Variants in RBFOX3 observed in about 807,000 individuals in gnomAD.
RBFOX3 encodes RNA binding protein fox-1 homolog 3.
Under a neutral mutation model 48.7 loss-of-function variants are expected in RBFOX3, and 17 were observed. The ratio of observed to expected loss-of-function variants is 0.35; its 90% CI spans 0.24 to 0.52. The LOEUF (loss-of-function observed/expected upper bound fraction) is 0.52. RBFOX3 is among the 20% of genes least tolerant of loss of function. The pLI is 0.94. For synonymous variants in RBFOX3, 212 were observed against 209.5 expected, an observed-to-expected ratio of 1.01 and a Z score of -0.10; for missense variants, 382 against 497.5, an observed-to-expected ratio of 0.77 and a Z score of 2.21.
In RBFOX3 at chr17:79,212,218, C is replaced by G. The variant is rs1178720418; in HGVS notation, c.-34+23548G>C. 1.3e-5 allele frequency among the ~76,000 whole-genome samples: 2 copies of G among 152,200 alleles called. No individual in the cohort carries two copies. Among genetic ancestry groups the G allele is most frequent in the Non-Finnish European group, 2.9e-5 (2 of 68,024 alleles). ...TCTTCTCCAGGAAAACCTTCAAACT[C>G]TAGACACCCTTGGCCACCCGCTGCC... On this transcript the variant is annotated intron_variant, in intron 4 of 14. Coordinates refer to ENST00000693108, the MANE Select transcript of RBFOX3 (RefSeq NM_001350451.2). This position sits in a 1 kb window ranked among gnomAD's most constrained non-coding sequence, Gnocchi z 4.7.
chr17:79,148,048 C>T lies in RBFOX3; in HGVS notation c.-33-32300G>A, dbSNP rs191924576. On this transcript the variant is annotated intron_variant, in intron 4 of 14. Coordinates refer to ENST00000693108, the MANE Select transcript of RBFOX3 (RefSeq NM_001350451.2). ...GAGGGCGGATGTACAGGGCCAGGCTCTGGCCTGTGACCAAGATTTCCTCAC... is the reference window on the plus strand; with the variant it reads ...GAGGGCGGATGTACAGGGCCAGGCTTTGGCCTGTGACCAAGATTTCCTCAC... Among the ~76,000 whole-genome samples the T allele has an allele frequency of 2.8e-4, 43 of 152,374 alleles. No individual in the cohort carries two copies. The East Asian group carries it at 6.9e-3, about 25-fold the overall frequency.
intron 12 of RBFOX3, 33 bp downstream of exon 12, chr17:79,096,620 T>TCCCCC (rs1568117490): frequency 8.1e-5 from 122 of 1,502,174 alleles, no homozygotes; most frequent in South Asian, 7.1e-4. Context: ...GAACGCCTGA[T>TCCCCC]CCCACCCTCC....
intron 2 of RBFOX3, among the ~76,000 whole-genome samples, chr17:79,394,950 T>C (rs766189395): frequency 9.2e-5 from 14 of 152,100 alleles, no homozygotes; most frequent in Non-Finnish European, 1.8e-4. Context: ...CGGCAAGACG[T>C]CAGGAGGTGC....
intron 1 of RBFOX3, among the ~76,000 whole-genome samples, chr17:79,530,747 T>C (rs2087617359): frequency 6.6e-6 from 1 of 152,078 alleles, no homozygotes; most frequent in Non-Finnish European, 1.5e-5. Flanking sequence ...ATCACCACAG[T>C]GTGATGTTCT....
chr17:79,380,137 A>C (rs2059715320), intron 2 of RBFOX3, among the ~76,000 whole-genome samples: 1 of 146,874 alleles, frequency 6.8e-6, no homozygotes, highest in Non-Finnish European at 1.5e-5. Context: ...AACCCTCAGC[A>C]TCTCTAACCC....
At chr17:79,294,157 T>G (rs1600470645) in intron 3 of RBFOX3, among the ~76,000 whole-genome samples, 1 of 152,286 alleles carries the variant, frequency 6.6e-6, no homozygotes. Context: ...TCTATTCCTC[T>G]CCAACAAGCC....
At chr17:79,458,981 G>A (rs547195029) in intron 2 of RBFOX3, among the ~76,000 whole-genome samples, 7 of 152,300 alleles carry the variant, frequency 4.6e-5, no homozygotes, top group East Asian at 1.9e-4. Flanking sequence ...AATGTGAAGC[G>A]CGGCCGTGGG....
chr17:79,267,393 C>CTT (rs71161656), intron 3 of RBFOX3, among the ~76,000 whole-genome samples: 2 of 149,274 alleles, frequency 1.3e-5, no homozygotes, highest in Non-Finnish European at 3.0e-5. Context: ...CACTCTCTCT[C>CTT]TTTTTTTTTT....
At chr17:79,541,458 T>C (rs782035923) in intron 1 of RBFOX3, among the ~76,000 whole-genome samples, 11 of 152,310 alleles carry the variant, frequency 7.2e-5, no homozygotes, top group Middle Eastern at 3.4e-3. Flanking sequence ...ATACTTGGTG[T>C]ACAAAGTACT....
rs529129530 is a variant in RBFOX3 at position 79,166,628 on chromosome 17, T to C, written c.-33-50880A>G. Among the ~76,000 whole-genome samples, 33 of 150,292 alleles carry C rather than the reference T, an allele frequency of 2.2e-4. 1 individual carries two copies. In the South Asian group the frequency reaches 7.0e-3, roughly 32 times the overall value. On this transcript the variant is annotated intron_variant, in intron 4 of 14. Coordinates refer to ENST00000693108, the MANE Select transcript of RBFOX3 (RefSeq NM_001350451.2). ...AGGAGGAGCCCAGCCCCTATGAACATGCACAGGTCGGAATGTAGGCCCTTG... is the reference window on the plus strand; with the variant it reads ...AGGAGGAGCCCAGCCCCTATGAACACGCACAGGTCGGAATGTAGGCCCTTG...
chr17:79,492,115 C>T (rs1392739315), intron 1 of RBFOX3, among the ~76,000 whole-genome samples: 1 of 152,172 alleles, frequency 6.6e-6, no homozygotes, highest in Non-Finnish European at 1.5e-5. Flanking sequence ...TATGATGTTT[C>T]AAGGCCGATG....
At chr17:79,200,622 A>G (rs1316882980) in intron 4 of RBFOX3, among the ~76,000 whole-genome samples, 1 of 152,166 alleles carries the variant, frequency 6.6e-6, no homozygotes, top group African/African-American at 2.4e-5. Flanking sequence ...GGGTTGGGAC[A>G]TGAGGTGTCT....
intron 2 of RBFOX3, among the ~76,000 whole-genome samples, chr17:79,463,698 T>A (rs797029942): frequency 8.9e-6 from 1 of 111,750 alleles, no homozygotes; most frequent in African/African-American, 4.0e-5. Flanking sequence ...GCCACTGCCA[T>A]CACCACTGCC....
intron 1 of RBFOX3, among the ~76,000 whole-genome samples, chr17:79,533,046 C>A (rs1409192530): frequency 1.3e-5 from 2 of 152,254 alleles, no homozygotes; most frequent in Admixed American, 6.5e-5. Context: ...AAGTGCCAGG[C>A]AAGGTCTTGA....
intron 2 of RBFOX3, among the ~76,000 whole-genome samples, chr17:79,459,935 G>A (rs1555747714): frequency 1.3e-5 from 2 of 152,170 alleles, no homozygotes; most frequent in Non-Finnish European, 2.9e-5. Flanking sequence ...TAAACTCAAT[G>A]GTAGGTCCAA....
the RBFOX3 span, among the ~76,000 whole-genome samples, chr17:79,635,951 C>CA: frequency 1.3e-5 from 2 of 152,154 alleles, no homozygotes; most frequent in Non-Finnish European, 2.9e-5. Flanking sequence ...CCATTTGATA[C>CA]ATGGTAGGTA....
At chr17:79,409,058 C>G (rs184475664) in intron 2 of RBFOX3, among the ~76,000 whole-genome samples, 1 of 152,332 alleles carries the variant, frequency 6.6e-6, no homozygotes, top group African/African-American at 2.4e-5. Flanking sequence ...TATGGATTTA[C>G]CTACCCTGGG....
intron 4 of RBFOX3, among the ~76,000 whole-genome samples, chr17:79,186,393 CAG>C (rs2053399298): frequency 6.6e-6 from 1 of 152,264 alleles, no homozygotes; most frequent in Admixed American, 6.5e-5. Context: ...GTGATCGTTT[CAG>C]AGTGTCGCGC....
the RBFOX3 span, among the ~76,000 whole-genome samples, chr17:79,662,184 G>A: frequency 7.1e-6 from 1 of 141,152 alleles, no homozygotes; most frequent in South Asian, 2.3e-4. Flanking sequence ...GTGCGGTGGT[G>A]CAATCTCTGC....
Sources: allele counts gnomAD v4.1 joint callset (sites outside exome capture counted in the v4.1 genomes callset), GRCh38; gene constraint gnomAD v4.1.1; non-coding constraint Gnocchi (gnomAD v3.1); transcripts MANE v1.5; gene names NCBI Gene and HGNC (gene_info 2026-07-23, HGNC 2026-07-21).